The following AMZ2 variants were observed in gnomAD, a reference collection of about 807,000 sequenced individuals.
AMZ2 encodes the protein archaemetzincin-2.
A neutral mutation model predicts 36.7 loss-of-function variants in AMZ2; 26 were observed. The observed-to-expected ratio is 0.71, with a 90% CI of 0.52 to 0.98. AMZ2 has a LOEUF of 0.98. Ranked by LOEUF, AMZ2 falls within the 50% of genes least tolerant of loss-of-function variation. The pLI, the probability that AMZ2 is intolerant of heterozygous loss-of-function variation, is 0.00. For missense variants in AMZ2, 394 were observed against 430.5 expected (o/e 0.92, Z 0.75); for synonymous variants, 144 against 149.1 (o/e 0.97, Z 0.25).
chr17:68,253,783 A>G (rs1394058652), intron 4 of AMZ2, among the ~76,000 whole-genome samples: 2 of 145,890 alleles, frequency 1.4e-5, no homozygotes, highest in Non-Finnish European at 3.0e-5. Context: ...GAGACTGAGT[A>G]TCACTCTATC....
Position 68,248,367 on chromosome 17 carries a change from G to C in AMZ2, c.-339G>C. 4.1e-6 allele frequency: 4 copies of C among 986,066 alleles called. No homozygotes were observed. The highest frequency in any genetic ancestry group is 4.8e-6 in the Non-Finnish European group (4 of 830,110). 61.1% of individuals were successfully genotyped at this position (986,066 alleles called of 1,614,324 possible). On this transcript the variant is annotated 5_prime_UTR_variant, in exon 1 of 7. Coordinates refer to ENST00000359904, the MANE Select transcript of AMZ2 (RefSeq NM_016627.5). ...CACTCCACTCCCAGCTGGAGACTGG[G>C]TTGTGTCTGCATGGACCAGAGCCCA...
intron 1 of AMZ2, among the ~76,000 whole-genome samples, chr17:68,223,124 T>C (rs1448204430): frequency 1.3e-5 from 2 of 152,180 alleles, no homozygotes; most frequent in Admixed American, 6.5e-5. Context: ...ATATTAATTG[T>C]CCGTTATTCT....
Position 68,248,056 on chromosome 17 carries a change from G to T in AMZ2, c.-650G>T, listed in dbSNP as rs1197386716. 2 of 986,394 alleles carry T rather than the reference G, an allele frequency of 2.0e-6. No homozygotes were observed. Among genetic ancestry groups the T allele is most frequent in the Non-Finnish European group, 2.4e-6 (2 of 830,654 alleles). The allele number at this position is 986,394 out of a possible 1,614,324, so 61.1% of individuals were successfully genotyped here. On this transcript the variant is annotated 5_prime_UTR_variant, in exon 1 of 7. Transcript: ENST00000359904. ...GTGGCGTGGCGCAGTGCGAAGGGACGCGGTGCGCATGCGCGTGAGGGCTGC... is the reference window on the plus strand; with the variant it reads ...GTGGCGTGGCGCAGTGCGAAGGGACTCGGTGCGCATGCGCGTGAGGGCTGC...
chr17:68,206,222 C>G (rs2072824293), exon 1 of AMZ2: 3 of 1,303,164 alleles, frequency 2.3e-6, no homozygotes, highest in Non-Finnish European at 2.9e-6. Context: ...GCCATAGTAC[C>G]TACAGCAGCA....
intron 1 of AMZ2, among the ~76,000 whole-genome samples, chr17:68,221,209 TCC>T (rs55937321): frequency 3.0e-5 from 2 of 66,778 alleles, no homozygotes; most frequent in African/African-American, 1.4e-4. Flanking sequence ...AGCCCTCAGC[TCC>T]CCCCCCCGCC....
Position 68,250,846 on chromosome 17 carries a change from G to A in AMZ2, c.336G>A (p.Thr112=), listed in dbSNP as rs183324449. The change falls in exon 3 of 7, where the codon ACG becomes ACA. Residue 112 remains threonine (T), a synonymous_variant. Coordinates refer to ENST00000359904, the MANE Select transcript of AMZ2 (RefSeq NM_016627.5). The part of the protein sequence containing the change: ...IISEEYIKWL[T]GYCKAYFYGL... ...GTGAAGAATATATTAAATGGCTCAC[G>A]GGCTACTGTAAAGCATATTTCTATG... 4.4e-5 allele frequency: 70 copies of A among 1,603,144 alleles called. No homozygotes were observed. The highest frequency in any genetic ancestry group is 3.9e-4 in the African/African-American group (29 of 74,114).
chr17:68,211,820 G>GTATATGTATTTATATGTATA (rs1176516792), intron 1 of AMZ2, among the ~76,000 whole-genome samples: 1 of 126,158 alleles, frequency 7.9e-6, no homozygotes. Flanking sequence ...ATATGTATGT[G>GTATATGTATTTATATGTATA]TATGTATATG....
At chr17:68,232,657 A>C (rs113587828) in intron 1 of AMZ2, among the ~76,000 whole-genome samples, 162 of 152,226 alleles carry the variant, frequency 1.1e-3, no homozygotes, top group African/African-American at 3.6e-3. Flanking sequence ...AGCCTGGCCA[A>C]CATGGCGAAA....
At chr17:68,224,040 C>A (rs1308443960) in intron 1 of AMZ2, among the ~76,000 whole-genome samples, 2 of 146,516 alleles carry the variant, frequency 1.4e-5, no homozygotes, top group Non-Finnish European at 3.0e-5. Context: ...CAGGCGCCCG[C>A]CACCACACCC....
chr17:68,214,497 T>C lies in AMZ2; in HGVS notation c.-67+8259T>C, dbSNP rs147486879. Among the ~76,000 whole-genome samples the C allele has an allele frequency of 2.6e-5, 4 of 152,294 alleles. No homozygotes were observed. The East Asian group carries it at 7.7e-4, about 29-fold the overall frequency. On this transcript the variant is annotated intron_variant, in intron 1 of 7. Coordinates refer to the AMZ2 transcript ENST00000674770. ...CCTTTCTTCACAACTGAGCGTGGTT[T>C]CTCCCAGTCCAGGGAACCTCAGTTT...
chr17:68,231,225 G>A (rs568747956), intron 1 of AMZ2, among the ~76,000 whole-genome samples: 15 of 151,864 alleles, frequency 9.9e-5, no homozygotes, highest in South Asian at 2.1e-4. Context: ...CACCACGCTC[G>A]GCTAATTTTC....
chr17:68,243,914 A>G (rs1332791300), upstream of AMZ2, among the ~76,000 whole-genome samples: 3 of 152,248 alleles, frequency 2.0e-5, no homozygotes, highest in Non-Finnish European at 4.4e-5. Context: ...GGGAAGAACT[A>G]ACCCAGGTAG....
chr17:68,225,296 C>G (rs12947534), intron 1 of AMZ2, among the ~76,000 whole-genome samples: 53,812 of 151,782 alleles, frequency 0.35, 10,613 homozygotes, highest in African/African-American at 0.54. Context: ...CCTGAGAGAG[C>G]AGTCGTGTTG....
intron 1 of AMZ2, chr17:68,206,515 A>C: frequency 6.2e-6 from 1 of 160,332 alleles, no homozygotes; most frequent in Non-Finnish European, 1.4e-5. Context: ...CCTCTTCAAA[A>C]TTTGTGCCAG....
chr17:68,224,869 G>A (rs1374447152), intron 1 of AMZ2, among the ~76,000 whole-genome samples: 4 of 151,512 alleles, frequency 2.6e-5, no homozygotes, highest in African/African-American at 9.7e-5. Flanking sequence ...TGCTTTGGCA[G>A]TTTCCCCCCA....
In AMZ2 at chr17:68,250,930, A is replaced by T. The variant is rs1222352446; in HGVS notation, c.420A>T (p.Arg140Ser). The T allele has an allele frequency of 6.2e-7, 1 of 1,611,166 alleles. No individual in the cohort carries two copies. Among genetic ancestry groups the T allele is most frequent in the Non-Finnish European group, 8.5e-7 (1 of 1,179,410 alleles). The change falls in exon 3 of 7, where the codon AGA becomes AGT. Residue 140 changes from arginine (R) to serine (S), a missense_variant. Arg to Ser is a moderately radical substitution (Grantham distance 110, BLOSUM62 -1). Coordinates refer to ENST00000359904, the MANE Select transcript of AMZ2 (RefSeq NM_016627.5). ...TTTCTGTAACAAGATGTTCCTTTAG[A>T]GTCAATGAGAACACACACAACCTAC... ...VPVSVTRCSF[R>S]VNENTHNLQI...
intron 1 of AMZ2, among the ~76,000 whole-genome samples, chr17:68,229,248 G>GC: frequency 6.6e-6 from 1 of 152,170 alleles, no homozygotes; most frequent in East Asian, 1.9e-4. Flanking sequence ...CTCAAACGCA[G>GC]CCCCCCATGA....
chr17:68,224,670 G>T (rs1435734346), intron 1 of AMZ2, among the ~76,000 whole-genome samples: 4 of 151,902 alleles, frequency 2.6e-5, no homozygotes, highest in African/African-American at 7.3e-5. Context: ...CTCCCCAGGA[G>T]TTAGGACTAC....
At chr17:68,237,193 G>GA (rs1252720474) in intron 1 of AMZ2, among the ~76,000 whole-genome samples, 2 of 152,146 alleles carry the variant, frequency 1.3e-5, no homozygotes, top group African/African-American at 4.8e-5. Context: ...TAAATGGACT[G>GA]AAAAATTAGA....
Sources: gnomAD v4.1 joint callset for allele counts (sites outside exome capture counted in the v4.1 genomes callset) on GRCh38, gnomAD v4.1.1 for gene constraint, MANE v1.5 for transcripts, NCBI Gene and HGNC (gene_info 2026-07-23, HGNC 2026-07-21) for gene names.